DENND5A: variants seen among roughly 807,000 people sequenced by gnomAD.
DENND5A encodes the protein DENN domain containing 5A.
Under a neutral mutation model 140.3 loss-of-function variants are expected in DENND5A, and 64 were observed. That is an observed-to-expected ratio of 0.46 (90% CI 0.37 to 0.56). DENND5A has a LOEUF of 0.56. Among genes scored for constraint, DENND5A ranks in the 20% least tolerant of loss-of-function variants. The pLI, the probability that DENND5A is intolerant of heterozygous loss-of-function variation, is 0.00. For synonymous variants in DENND5A, 605 were observed against 607.7 expected, an observed-to-expected ratio of 1.00 and a Z score of 0.07; for missense variants, 1,292 against 1,593.8, an observed-to-expected ratio of 0.81 and a Z score of 3.22.
intron 12 of DENND5A, among the ~76,000 whole-genome samples, chr11:9,157,282 T>G (rs1210995587): frequency 6.6e-6 from 1 of 152,224 alleles, no homozygotes; most frequent in East Asian, 1.9e-4. Flanking sequence ...CGCCAGGTAT[T>G]TCCTTTCATT....
rs1849185372 is a variant in DENND5A at position 9,192,867 on chromosome 11, T to TAG, written c.1137+626_1137+627insCT. Among the ~76,000 whole-genome samples, 6 of 152,304 alleles carry TAG rather than the reference T, an allele frequency of 3.9e-5. No homozygotes were observed. In the South Asian group the frequency reaches 1.2e-3, roughly 32 times the overall value. On this transcript the variant is annotated intron_variant, in intron 5 of 22. Coordinates refer to ENST00000328194, the MANE Select transcript of DENND5A (RefSeq NM_015213.4). ...TTCTAAAAAAATTAAAAATAAAAAA[T>TAG]CTTATTTCTAATCATGCTTTAAATC...
chr11:9,166,788 C>T (rs1185958501), intron 10 of DENND5A, among the ~76,000 whole-genome samples: 4 of 151,604 alleles, frequency 2.6e-5, no homozygotes, highest in Non-Finnish European at 2.9e-5. Context: ...GCTGAGATCG[C>T]GCCACTGCAC....
chr11:9,262,486 G>C (rs189893391), intron 1 of DENND5A, among the ~76,000 whole-genome samples: 1 of 152,196 alleles, frequency 6.6e-6, no homozygotes, highest in Admixed American at 6.5e-5. Flanking sequence ...CCAGGCCAAT[G>C]AGATGCAGTT....
chr11:9,180,711 C>A, intron 6 of DENND5A, 56 bp downstream of exon 6: 1 of 1,536,118 alleles, frequency 6.5e-7, no homozygotes, highest in Non-Finnish European at 8.8e-7. Flanking sequence ...CTTACTTCAC[C>A]AGGACAGCAC....
In DENND5A at chr11:9,160,876, G is replaced by A; in HGVS notation, c.2284-11C>T. The A allele has an allele frequency of 1.2e-6, 2 of 1,613,350 alleles. No homozygotes were observed. Among genetic ancestry groups the A allele is most frequent in the Non-Finnish European group, 1.7e-6 (2 of 1,179,408 alleles). On this transcript the variant is annotated splice_polypyrimidine_tract_variant and intron_variant, in intron 11 of 22. Coordinates refer to ENST00000328194, the MANE Select transcript of DENND5A (RefSeq NM_015213.4). Reference sequence around the variant, plus strand: ...CAGCATCCTCTTGGTCTACAAGGAAGCAGTCAACAGGATTAAATAACCACA... The same window carrying A: ...CAGCATCCTCTTGGTCTACAAGGAAACAGTCAACAGGATTAAATAACCACA...
At chr11:9,168,160 C>T (rs770557665) in intron 10 of DENND5A, among the ~76,000 whole-genome samples, 2 of 149,930 alleles carry the variant, frequency 1.3e-5, no homozygotes, top group East Asian at 1.9e-4. Context: ...GCTGTGACCC[C>T]ATCCAAATCT....
Position 9,222,970 on chromosome 11 carries a change from C to T in DENND5A, c.110-15338G>A, listed in dbSNP as rs571056686. Among the ~76,000 whole-genome samples the T allele has an allele frequency of 1.4e-4, 22 of 152,324 alleles. No homozygotes were observed. In the South Asian group the frequency reaches 4.3e-3, roughly 30 times the overall value. On this transcript the variant is annotated intron_variant, in intron 1 of 22. Transcript: ENST00000328194. Reference sequence around the variant, plus strand: ...ATCACTATAGCTGTAACTGATCATCCCTGCATCTATCATTTGAACTAGTCA... The same window carrying T: ...ATCACTATAGCTGTAACTGATCATCTCTGCATCTATCATTTGAACTAGTCA...
At chr11:9,204,675 C>T (rs185118267) in intron 3 of DENND5A, among the ~76,000 whole-genome samples, 1 of 152,154 alleles carries the variant, frequency 6.6e-6, no homozygotes, top group South Asian at 2.1e-4. Flanking sequence ...CCAGCCTGGG[C>T]AACATGGCGA....
intron 1 of DENND5A, among the ~76,000 whole-genome samples, chr11:9,221,371 T>C (rs1850305880): frequency 6.6e-6 from 1 of 151,586 alleles, no homozygotes; most frequent in African/African-American, 2.4e-5. Context: ...GCAGAGGTTG[T>C]AGTGAGCCGA....
intron 3 of DENND5A, among the ~76,000 whole-genome samples, chr11:9,206,233 AT>A (rs1454990348): frequency 6.6e-6 from 1 of 152,234 alleles, no homozygotes; most frequent in East Asian, 1.9e-4. Context: ...ATGCTGTCCT[AT>A]CTAAAATTAT....
chr11:9,142,355 T>G (rs995953411), intron 21 of DENND5A, among the ~76,000 whole-genome samples: 1 of 152,190 alleles, frequency 6.6e-6, no homozygotes, highest in African/African-American at 2.4e-5. Context: ...CACAAAAAAT[T>G]CTGAGGATGG....
chr11:9,172,463 C>T (rs1417432276), intron 8 of DENND5A, among the ~76,000 whole-genome samples: 1 of 152,184 alleles, frequency 6.6e-6, no homozygotes, highest in Admixed American at 6.5e-5. Context: ...ACCCAAATCT[C>T]AACTTGAACT....
intron 1 of DENND5A, among the ~76,000 whole-genome samples, chr11:9,258,785 C>T (rs981090055): frequency 6.6e-6 from 1 of 152,088 alleles, no homozygotes; most frequent in Non-Finnish European, 1.5e-5. Context: ...CCTCAGTTTC[C>T]TCATCTGTAA....
intron 4 of DENND5A, among the ~76,000 whole-genome samples, chr11:9,198,740 G>A (rs1012200294): frequency 2.0e-5 from 3 of 151,946 alleles, no homozygotes; most frequent in Non-Finnish European, 1.5e-5. Context: ...TGGACCCTTC[G>A]TCAAAGATTA....
intron 12 of DENND5A, among the ~76,000 whole-genome samples, chr11:9,153,768 T>C (rs1847711698): frequency 1.3e-5 from 2 of 152,230 alleles, no homozygotes; most frequent in Admixed American, 1.3e-4. Flanking sequence ...CTACAGTCAA[T>C]ATAATAGAAC....
chr11:9,161,874 T>C (rs1847995036), intron 11 of DENND5A, among the ~76,000 whole-genome samples: 1 of 151,740 alleles, frequency 6.6e-6, no homozygotes, highest in Admixed American at 6.6e-5. Context: ...AAGTATAGTT[T>C]AATTCTCTTA....
At chr11:9,224,627 G>A (rs1376869818) in intron 1 of DENND5A, among the ~76,000 whole-genome samples, 1 of 152,098 alleles carries the variant, frequency 6.6e-6, no homozygotes, top group African/African-American at 2.4e-5. Flanking sequence ...TTGGGAGGCT[G>A]AGGCAGGCAG....
chr11:9,144,983 G>C lies in DENND5A; in HGVS notation c.3122+12C>G. 6.3e-7 allele frequency: 1 copy of C among 1,581,192 alleles called. No individual in the cohort carries two copies. The stretch of plus-strand genomic sequence containing the variant: ...CTTGCCCCTCTACCTTACAGCCTGA[G>C]GGTATACTTACTTGTAGGTATGTCC... On this transcript the variant is annotated intron_variant, in intron 18 of 22. Transcript: ENST00000328194.
chr11:9,170,613 T>C lies in DENND5A; in HGVS notation c.2057+14A>G, dbSNP rs748255529. The C allele has an allele frequency of 1.1e-5, 18 of 1,613,612 alleles. No homozygotes were observed. Among genetic ancestry groups the C allele is most frequent in the South Asian group, 9.9e-5 (9 of 91,034 alleles). Reference sequence around the variant, plus strand: ...CTAGGGAGTTGGATTAGTGAATCCCTGGGGTTGACTCACTTGTTGCTGGCT... The same window carrying C: ...CTAGGGAGTTGGATTAGTGAATCCCCGGGGTTGACTCACTTGTTGCTGGCT... On this transcript the variant is annotated intron_variant, in intron 9 of 22. Coordinates refer to ENST00000328194, the MANE Select transcript of DENND5A (RefSeq NM_015213.4).
Sources: gnomAD v4.1 joint callset for allele counts (sites outside exome capture counted in the v4.1 genomes callset) on GRCh38, gnomAD v4.1.1 for gene constraint, MANE v1.5 for transcripts, NCBI Gene and HGNC (gene_info 2026-07-23, HGNC 2026-07-21) for gene names.